WDPCP: variants seen among roughly 807,000 people sequenced by gnomAD.
WDPCP encodes WD repeat-containing and planar cell polarity effector protein fritz homolog.
In WDPCP, 71 loss-of-function variants were observed where a neutral mutation model predicts 93.1. The observed-to-expected ratio is 0.76, with a 90% CI of 0.63 to 0.93. WDPCP has a LOEUF of 0.93. Ranked by LOEUF, WDPCP falls within the 40% of genes least tolerant of loss-of-function variation. The pLI, the probability that WDPCP is intolerant of heterozygous loss-of-function variation, is 0.00. For missense variants in WDPCP, 844 were observed against 887.4 expected, an observed-to-expected ratio of 0.95 and a Z score of 0.62; for synonymous variants, 315 against 315.0, an observed-to-expected ratio of 1.00 and a Z score of 0.00.
At chr2:63,211,024 T>C (rs1486710974) in intron 14 of WDPCP, among the ~76,000 whole-genome samples, 4 of 152,218 alleles carry the variant, frequency 2.6e-5, no homozygotes, top group Non-Finnish European at 5.9e-5. Context: ...ACTCTGCTTC[T>C]GGGGGGCAGG....
At chr2:63,207,070 T>C (rs913847948) in intron 14 of WDPCP, among the ~76,000 whole-genome samples, 8 of 152,212 alleles carry the variant, frequency 5.3e-5, no homozygotes, top group South Asian at 2.1e-4. Flanking sequence ...ACTGGAATCA[T>C]ATAGTATTTA....
chr2:63,504,438 G>GAGCA (rs1701744009), intron 1 of WDPCP, among the ~76,000 whole-genome samples: 1 of 151,174 alleles, frequency 6.6e-6, no homozygotes, highest in South Asian at 2.1e-4. Flanking sequence ...CAGAGTCCAT[G>GAGCA]TATCTCCTCT....
chr2:63,576,312 G>C (rs924749717), intron 1 of WDPCP, among the ~76,000 whole-genome samples: 1 of 152,050 alleles, frequency 6.6e-6, no homozygotes, highest in Non-Finnish European at 1.5e-5. Flanking sequence ...TATATATCAG[G>C]GTTCCCATGA....
intron 12 of WDPCP, among the ~76,000 whole-genome samples, chr2:63,366,712 C>T (rs548972428): frequency 3.9e-5 from 6 of 152,228 alleles, no homozygotes; most frequent in South Asian, 4.1e-4. Flanking sequence ...CCATACTGCC[C>T]TCTACATCAG....
At chr2:63,449,799 G>T (rs1168550207) in intron 6 of WDPCP, among the ~76,000 whole-genome samples, 2 of 152,102 alleles carry the variant, frequency 1.3e-5, no homozygotes, top group Non-Finnish European at 2.9e-5. Context: ...CTGCAGCTGG[G>T]CACCATTACA....
chr2:63,430,610 G>A (rs758450726), intron 9 of WDPCP, among the ~76,000 whole-genome samples: 1 of 152,146 alleles, frequency 6.6e-6, no homozygotes, highest in Admixed American at 6.5e-5. Flanking sequence ...TGGGCTGGGC[G>A]TGGTGGCTCA....
chr2:63,418,874 A>T (rs2178678), intron 9 of WDPCP, among the ~76,000 whole-genome samples: 59,201 of 152,086 alleles, frequency 0.39, 11,826 homozygotes, highest in Non-Finnish European at 0.42. Context: ...ACAGGCAGTG[A>T]GTTAGCTAAA....
intron 2 of WDPCP, among the ~76,000 whole-genome samples, chr2:63,667,208 G>A (rs998210211): frequency 6.6e-6 from 1 of 152,172 alleles, no homozygotes; most frequent in African/African-American, 2.4e-5. Flanking sequence ...TGTTACTTTT[G>A]TGTGTGGTCT....
intron 13 of WDPCP, among the ~76,000 whole-genome samples, chr2:63,285,628 C>T (rs536812711): frequency 6.6e-6 from 1 of 151,864 alleles, no homozygotes; most frequent in Non-Finnish European, 1.5e-5. Context: ...TAATAAAGGA[C>T]CAGTAAACTT....
At chr2:63,284,459 T>A (rs1409757653) in intron 13 of WDPCP, among the ~76,000 whole-genome samples, 1 of 152,260 alleles carries the variant, frequency 6.6e-6, no homozygotes, top group Non-Finnish European at 1.5e-5. Flanking sequence ...CTTATTATGT[T>A]GAGAACTTGC....
chr2:63,529,877 C>G (rs547242446), intron 1 of WDPCP, among the ~76,000 whole-genome samples: 79 of 152,186 alleles, frequency 5.2e-4, no homozygotes, highest in African/African-American at 1.8e-3. Flanking sequence ...CAATTTCAGA[C>G]CCTGTTATTG....
At chr2:63,489,723 AATGAT>A (rs957873816) in intron 2 of WDPCP, among the ~76,000 whole-genome samples, 2 of 152,142 alleles carry the variant, frequency 1.3e-5, no homozygotes, top group African/African-American at 4.8e-5. Context: ...GAAATAAAAT[AATGAT>A]ATGACTATAA....
intron 13 of WDPCP, among the ~76,000 whole-genome samples, chr2:63,300,017 G>C (rs1249170902): frequency 6.6e-6 from 1 of 151,954 alleles, no homozygotes; most frequent in Non-Finnish European, 1.5e-5. Context: ...GAAAGCCCTG[G>C]GACAACTAGC....
chr2:63,384,040 C>A (rs1034733208), intron 10 of WDPCP, among the ~76,000 whole-genome samples: 1 of 151,708 alleles, frequency 6.6e-6, no homozygotes, highest in Admixed American at 6.6e-5. Context: ...CTGGAAAATC[C>A]CCAAATATTT....
At chr2:63,710,086 T>G (rs1363722038) in intron 2 of WDPCP, among the ~76,000 whole-genome samples, 2 of 152,256 alleles carry the variant, frequency 1.3e-5, no homozygotes, top group African/African-American at 4.8e-5. Context: ...CCTCCGGATC[T>G]ACTTTTTGTC....
chr2:63,597,415 TAAAG>T, intron 3 of WDPCP: 1 of 1,441,814 alleles, frequency 6.9e-7, no homozygotes, highest in Non-Finnish European at 9.2e-7. Flanking sequence ...TCGCAACAGA[TAAAG>T]AAGACGTTGC....
chr2:63,621,065 AC>A (rs2106633927), intron 3 of WDPCP, among the ~76,000 whole-genome samples: 1 of 152,310 alleles, frequency 6.6e-6, no homozygotes, highest in African/African-American at 2.4e-5. Context: ...ATGAGGAAAA[AC>A]CAGTACAGAA....
intron 3 of WDPCP, chr2:63,622,942 C>T (rs916203639): frequency 1.6e-5 from 15 of 912,384 alleles, no homozygotes; most frequent in East Asian, 2.6e-5. Context: ...CTGCCAGGCT[C>T]GTAGCTCAGT....
chr2:63,142,532 T>C lies in WDPCP; in HGVS notation c.2190+10382A>G, dbSNP rs545178261. On this transcript the variant is annotated intron_variant, in intron 17 of 17. Coordinates refer to ENST00000272321, the MANE Select transcript of WDPCP (RefSeq NM_015910.7). ...TATAATTTCAATTTTTTAAAATTTA[T>C]TGAGGGTCGTTTTATGGGCTATCAT... Among the ~76,000 whole-genome samples the C allele has an allele frequency of 7.7e-4, 118 of 152,314 alleles. 2 individuals carry two copies. The South Asian group carries it at 0.023, about 30-fold the overall frequency.
Sources: gnomAD v4.1 joint callset for allele counts (sites outside exome capture counted in the v4.1 genomes callset) on GRCh38, gnomAD v4.1.1 for gene constraint, MANE v1.5 for transcripts, NCBI Gene and HGNC (gene_info 2026-07-23, HGNC 2026-07-21) for gene names.